The following CSNK1A1 variants were observed in gnomAD, a reference collection of about 807,000 sequenced individuals.
The protein encoded by CSNK1A1 is casein kinase 1 alpha 1.
Under a neutral mutation model 46.1 loss-of-function variants are expected in CSNK1A1, and 7 were observed. That is an observed-to-expected ratio of 0.15 (90% CI 0.09 to 0.29). The LOEUF (loss-of-function observed/expected upper bound fraction) is 0.29, where lower values mean the gene tolerates loss of function less well. CSNK1A1 is among the 10% of genes least tolerant of loss of function. The pLI is 1.00. For missense variants in CSNK1A1, 96 were observed against 417.1 expected (o/e 0.23, Z 6.71); for synonymous variants, 137 against 141.5 (o/e 0.97, Z 0.23).
chr5:149,497,214 C>T (rs553037782), intron 9 of CSNK1A1: 4 of 1,022,026 alleles, frequency 3.9e-6, no homozygotes, highest in Non-Finnish European at 4.7e-6. Flanking sequence ...AAACAGATTG[C>T]TTTGCTTTAA....
At chr5:149,520,902 T>C (rs1761548160) in intron 3 of CSNK1A1, among the ~76,000 whole-genome samples, 1 of 152,212 alleles carries the variant, frequency 6.6e-6, no homozygotes, top group Admixed American at 6.5e-5. Context: ...TTATAATTCT[T>C]ATATAATCTC....
At chr5:149,538,053 G>A (rs1470939587) in intron 2 of CSNK1A1, among the ~76,000 whole-genome samples, 2 of 107,538 alleles carry the variant, frequency 1.9e-5, no homozygotes, top group Non-Finnish European at 3.5e-5. Context: ...ACGGAGTTTC[G>A]CTCTTGTTGC....
At chr5:149,502,405 A>G (rs943373270) in intron 9 of CSNK1A1, 4 of 672,928 alleles carry the variant, frequency 5.9e-6, no homozygotes, top group Non-Finnish European at 7.3e-6. Flanking sequence ...CAGTGGCATG[A>G]TCACAGCTCT....
At chr5:149,543,727 A>G (rs1762374929) in intron 2 of CSNK1A1, among the ~76,000 whole-genome samples, 1 of 152,174 alleles carries the variant, frequency 6.6e-6, no homozygotes, top group Non-Finnish European at 1.5e-5. Flanking sequence ...AATAGTGATT[A>G]AAACACACTA....
At chr5:149,534,298 A>T (rs897791178) in intron 2 of CSNK1A1, among the ~76,000 whole-genome samples, 1 of 151,974 alleles carries the variant, frequency 6.6e-6, no homozygotes, top group Non-Finnish European at 1.5e-5. Context: ...CCTGGCCAAC[A>T]TGGTGAAACC....
At position 149,550,824 on chromosome 5, in the gene CSNK1A1, C is replaced by G; in HGVS notation, c.123+18G>C. 6.2e-7 allele frequency: 1 copy of G among 1,613,796 alleles called. No homozygotes were observed. The highest frequency in any genetic ancestry group is 8.5e-7 in the Non-Finnish European group (1 of 1,179,816). ...GTAAAAGCGCAGCGTTATCGTGAAC[C>G]CCACCCCAGATGATTACCTCGCCGT... On this transcript the variant is annotated intron_variant, in intron 1 of 9. Coordinates refer to ENST00000377843, the MANE Select transcript of CSNK1A1 (RefSeq NM_001892.6). The surrounding 1 kb of genome is among the most constrained non-coding windows in gnomAD (Gnocchi z 4.3).
At chr5:149,527,828 A>G (rs1175026903) in intron 2 of CSNK1A1, among the ~76,000 whole-genome samples, 1 of 152,224 alleles carries the variant, frequency 6.6e-6, no homozygotes, top group Non-Finnish European at 1.5e-5. Context: ...GGAAGTAAGA[A>G]GGCGCAAAAA....
Position 149,525,295 on chromosome 5 carries a change from C to T in CSNK1A1, c.231-124G>A. ...TATATAAGGCGAATGTTCCCCTACTCAGAAGACAAACCCACTAATTAACTA... is the reference window on the plus strand; with the variant it reads ...TATATAAGGCGAATGTTCCCCTACTTAGAAGACAAACCCACTAATTAACTA... On this transcript the variant is annotated intron_variant, in intron 2 of 9. Transcript: ENST00000377843. This position sits in a 1 kb window ranked among gnomAD's most constrained non-coding sequence, Gnocchi z 4.2. 2.0e-6 allele frequency: 2 copies of T among 1,012,770 alleles called. No individual in the cohort carries two copies. Among genetic ancestry groups the T allele is most frequent in the Non-Finnish European group, 2.7e-6 (2 of 735,762 alleles). The allele number at this position is 1,012,770 out of a possible 1,614,324, so 62.7% of individuals were successfully genotyped here.
chr5:149,541,787 C>T (rs865905384), intron 2 of CSNK1A1, among the ~76,000 whole-genome samples: 3 of 151,626 alleles, frequency 2.0e-5, no homozygotes, highest in African/African-American at 7.3e-5. Flanking sequence ...ACCAGCCTGA[C>T]CAATATGGTG....
intron 2 of CSNK1A1, among the ~76,000 whole-genome samples, chr5:149,533,898 A>G (rs1761972827): frequency 6.6e-6 from 1 of 152,234 alleles, no homozygotes; most frequent in South Asian, 2.1e-4. Context: ...ATAGGCAAAT[A>G]TATAAAAGCA....
At chr5:149,545,795 G>T in intron 2 of CSNK1A1, 1 of 566,170 alleles carries the variant, frequency 1.8e-6, no homozygotes, top group Admixed American at 2.3e-5. Flanking sequence ...CGTGGACTTG[G>T]CCATGTCTGT....
chr5:149,509,865 T>C lies in CSNK1A1; in HGVS notation c.750+14A>G, dbSNP rs541539332. 14 of 1,584,690 alleles carry C rather than the reference T, an allele frequency of 8.8e-6. 1 individual carries two copies. The Middle Eastern group carries it at 6.5e-4, about 74-fold the overall frequency. On this transcript the variant is annotated intron_variant, in intron 7 of 9. Coordinates refer to ENST00000377843, the MANE Select transcript of CSNK1A1 (RefSeq NM_001892.6). ...TTCATTTATATTTTTTTAATATTCA[T>C]CATGCATACTTACCTTACATAAAAC...
intron 9 of CSNK1A1, chr5:149,501,539 T>C (rs1396600706): frequency 7.1e-6 from 7 of 985,100 alleles, no homozygotes; most frequent in Non-Finnish European, 8.4e-6. Flanking sequence ...GTCAATATGA[T>C]AGAAAAATAA....
chr5:149,499,914 C>A (rs548019653), intron 9 of CSNK1A1, among the ~76,000 whole-genome samples: 1 of 148,884 alleles, frequency 6.7e-6, no homozygotes, highest in East Asian at 2.0e-4. Context: ...TATGCTATGT[C>A]ATTTATACTA....
At chr5:149,529,706 A>T (rs996448683) in intron 2 of CSNK1A1, 2 of 456,294 alleles carry the variant, frequency 4.4e-6, no homozygotes, top group Admixed American at 4.7e-5. Flanking sequence ...TGCAAGGCTT[A>T]TGAGCTTTAC....
rs1336161451 is a variant in CSNK1A1, at chr5:149,493,678, G to A, written c.*3175C>T. 1.3e-5 allele frequency: 2 copies of A among 151,866 alleles called. No homozygotes were observed. Among genetic ancestry groups the A allele is most frequent in the African/African-American group, 2.4e-5 (1 of 41,342 alleles). 9.4% of individuals were successfully genotyped at this position (151,866 alleles called of 1,614,324 possible). A position where few individuals can be genotyped will look rare whatever the true frequency, so the allele number is the denominator to read the frequency against. ...ATTACAATAGAAATGGAAGTTTTGA[G>A]GAGGAAGAAAATCCCCCAAAATGTA... On this transcript the variant is annotated 3_prime_UTR_variant, in exon 10 of 10. Transcript: ENST00000377843.
At position 149,549,411 on chromosome 5, in the gene CSNK1A1, A is replaced by G. The variant is rs1580871128; in HGVS notation, c.230+664T>C. 4 of 696,958 alleles carry G rather than the reference A, an allele frequency of 5.7e-6. No homozygotes were observed. In the East Asian group the frequency reaches 8.1e-5, roughly 14 times the overall value. The allele number at this position is 696,958 out of a possible 1,614,324, so 43.2% of individuals were successfully genotyped here. On this transcript the variant is annotated intron_variant, in intron 2 of 9. Transcript: ENST00000377843. ...CAATTTCGTGTCACATCTGCTGCAGAGATCACAAACACTGTCACTATGCCA... is the reference window on the plus strand; with the variant it reads ...CAATTTCGTGTCACATCTGCTGCAGGGATCACAAACACTGTCACTATGCCA...
chr5:149,535,761 C>A (rs1300767331), intron 2 of CSNK1A1, among the ~76,000 whole-genome samples: 2 of 152,110 alleles, frequency 1.3e-5, no homozygotes, highest in Non-Finnish European at 2.9e-5. Flanking sequence ...CCTGCCTCAG[C>A]CTCCTGAGTA....
At chr5:149,518,984 T>G (rs1761482285) in intron 4 of CSNK1A1, among the ~76,000 whole-genome samples, 6 of 152,014 alleles carry the variant, frequency 3.9e-5, no homozygotes, top group Admixed American at 3.9e-4. Context: ...TGGACAAAAC[T>G]GCCCCAAAAC....
Sources: allele counts gnomAD v4.1 joint callset (sites outside exome capture counted in the v4.1 genomes callset), GRCh38; gene constraint gnomAD v4.1.1; non-coding constraint Gnocchi (gnomAD v3.1); transcripts MANE v1.5; gene names NCBI Gene and HGNC (gene_info 2026-07-23, HGNC 2026-07-21).